CNTNAP2: variants seen among roughly 807,000 people sequenced by gnomAD.
CNTNAP2 encodes contactin-associated protein-like 2.
In CNTNAP2, 98 loss-of-function variants were observed where a neutral mutation model predicts 155.2. The ratio of observed to expected loss-of-function variants is 0.63; its 90% CI spans 0.54 to 0.75. The LOEUF (loss-of-function observed/expected upper bound fraction) is 0.75. Ranked by LOEUF, CNTNAP2 falls within the 30% of genes least tolerant of loss-of-function variation. CNTNAP2 has a pLI of 0.00. For synonymous variants in CNTNAP2, 651 were observed against 631.2 expected (o/e 1.03, Z -0.47); for missense variants, 1,727 against 1,688.1 (o/e 1.02, Z -0.40).
At position 147,558,697 on chromosome 7, in the gene CNTNAP2, T is replaced by G. The variant is rs867725103; in HGVS notation, c.1778-3441T>G. On this transcript the variant is annotated intron_variant, in intron 11 of 23. Coordinates refer to ENST00000361727, the MANE Select transcript of CNTNAP2 (RefSeq NM_014141.6). ...GAAAACTTTTTTCCTTCGTTCGTTCTTTCCTTCCTTCCTTCCTTCCTTCCT... is the reference window on the plus strand; with the variant it reads ...GAAAACTTTTTTCCTTCGTTCGTTCGTTCCTTCCTTCCTTCCTTCCTTCCT... Among the ~76,000 whole-genome samples, 1,011 of 148,926 alleles carry G rather than the reference T, an allele frequency of 6.8e-3. 15 individuals are homozygous for G. Among genetic ancestry groups the G allele is most frequent in the African/African-American group, 0.02 (802 of 40,402 alleles).
At chr7:148,272,454 T>C (rs1417598584) in intron 21 of CNTNAP2, among the ~76,000 whole-genome samples, 1 of 152,168 alleles carries the variant, frequency 6.6e-6, no homozygotes, top group East Asian at 1.9e-4. Flanking sequence ...TCAACATCTC[T>C]ATTAATGCCT....
chr7:148,228,965 G>C (rs1042588695), intron 19 of CNTNAP2, among the ~76,000 whole-genome samples: 2 of 151,682 alleles, frequency 1.3e-5, no homozygotes, highest in East Asian at 3.9e-4. Context: ...ATAGTGTTTC[G>C]TGGGACCTGC....
intron 10 of CNTNAP2, among the ~76,000 whole-genome samples, chr7:147,479,812 A>G (rs1181116747): frequency 2.6e-5 from 4 of 152,134 alleles, no homozygotes; most frequent in East Asian, 1.9e-4. Context: ...CTATAAATAA[A>G]TGCTTGTTGA....
At chr7:147,545,233 A>G (rs1016429644) in intron 11 of CNTNAP2, among the ~76,000 whole-genome samples, 36 of 152,290 alleles carry the variant, frequency 2.4e-4, no homozygotes, top group African/African-American at 8.4e-4. Context: ...GTGCTCAACA[A>G]TACAAGCCCT....
At chr7:146,745,425 T>C (rs1801792433) in intron 1 of CNTNAP2, among the ~76,000 whole-genome samples, 1 of 152,098 alleles carries the variant, frequency 6.6e-6, no homozygotes, top group Non-Finnish European at 1.5e-5. Context: ...AGTGGGTGAT[T>C]GAACCAAGAT....
At chr7:146,162,885 T>C (rs1798246371) in intron 1 of CNTNAP2, among the ~76,000 whole-genome samples, 1 of 152,190 alleles carries the variant, frequency 6.6e-6, no homozygotes, top group African/African-American at 2.4e-5. Context: ...GAAACCATCG[T>C]TCTCAGCAAA....
intron 13 of CNTNAP2, among the ~76,000 whole-genome samples, chr7:147,669,200 A>C (rs1391708934): frequency 6.6e-6 from 1 of 152,010 alleles, no homozygotes; most frequent in Non-Finnish European, 1.5e-5. Context: ...TGCATTTCTC[A>C]GAACATACCC....
chr7:146,347,508 A>C (rs768925037), intron 1 of CNTNAP2, among the ~76,000 whole-genome samples: 1 of 152,280 alleles, frequency 6.6e-6, no homozygotes, highest in Admixed American at 6.5e-5. Context: ...AGATTTAAAA[A>C]ATGCTTACAA....
chr7:146,532,586 G>C (rs928774969), intron 1 of CNTNAP2, among the ~76,000 whole-genome samples: 3 of 152,082 alleles, frequency 2.0e-5, no homozygotes, highest in African/African-American at 7.2e-5. Context: ...ACAACATTCT[G>C]TAAGCGTATA....
chr7:146,453,162 C>T lies in CNTNAP2; in HGVS notation c.98-321109C>T, dbSNP rs376340610. Among the ~76,000 whole-genome samples, 44 of 152,222 alleles carry T rather than the reference C, an allele frequency of 2.9e-4. No individual in the cohort carries two copies. In the South Asian group the frequency reaches 4.6e-3, roughly 16 times the overall value. ...TCCAGAGATCTAAGAAGAAACCCTCCGGAATGTTCAGTGGAGAACTGATTC... is the reference window on the plus strand; with the variant it reads ...TCCAGAGATCTAAGAAGAAACCCTCTGGAATGTTCAGTGGAGAACTGATTC... On this transcript the variant is annotated intron_variant, in intron 1 of 23. Transcript: ENST00000361727.
intron 1 of CNTNAP2, among the ~76,000 whole-genome samples, chr7:146,735,147 C>CT (rs1326898256): frequency 1.3e-5 from 2 of 152,130 alleles, no homozygotes; most frequent in Non-Finnish European, 2.9e-5. Context: ...AAGCATACAT[C>CT]TTTTTTTGAA....
chr7:146,710,666 TCTC>T (rs1336765024), intron 1 of CNTNAP2, among the ~76,000 whole-genome samples: 13 of 152,224 alleles, frequency 8.5e-5, no homozygotes, highest in African/African-American at 3.1e-4. Context: ...TTTCCTCTGT[TCTC>T]CTCTCTTATT....
intron 1 of CNTNAP2, among the ~76,000 whole-genome samples, chr7:146,714,410 A>G (rs1198802047): frequency 6.6e-6 from 1 of 152,224 alleles, no homozygotes; most frequent in Non-Finnish European, 1.5e-5. Flanking sequence ...GTTTCTAATC[A>G]TGGAAGTAAG....
intron 3 of CNTNAP2, among the ~76,000 whole-genome samples, chr7:146,977,428 ATTAT>A (rs1797933511): frequency 6.6e-6 from 1 of 152,204 alleles, no homozygotes; most frequent in Non-Finnish European, 1.5e-5. Flanking sequence ...AAACGATATA[ATTAT>A]TGAGTGATCG....
intron 13 of CNTNAP2, among the ~76,000 whole-genome samples, chr7:147,771,519 CT>C (rs1230897680): frequency 2.6e-5 from 4 of 152,186 alleles, no homozygotes. Flanking sequence ...AACAAAGTGC[CT>C]TTCTATTTTG....
chr7:146,887,211 G>A (rs770193968), intron 3 of CNTNAP2, among the ~76,000 whole-genome samples: 7 of 151,826 alleles, frequency 4.6e-5, no homozygotes, highest in East Asian at 1.9e-4. Context: ...GTACAATGGC[G>A]CGATCTTGGC....
chr7:147,755,428 G>C (rs1271153530), intron 13 of CNTNAP2, among the ~76,000 whole-genome samples: 2 of 152,210 alleles, frequency 1.3e-5, no homozygotes, highest in African/African-American at 4.8e-5. Context: ...GCCAAGGCAG[G>C]CGGATCACTT....
At chr7:146,155,902 C>G (rs1562970395) in intron 1 of CNTNAP2, among the ~76,000 whole-genome samples, 1 of 151,832 alleles carries the variant, frequency 6.6e-6, no homozygotes, top group Admixed American at 6.6e-5. Context: ...TGGGGTTTCA[C>G]CATGTTGGTC....
At chr7:146,291,673 A>G (rs1449360138) in intron 1 of CNTNAP2, among the ~76,000 whole-genome samples, 1 of 152,236 alleles carries the variant, frequency 6.6e-6, no homozygotes, top group Non-Finnish European at 1.5e-5. Context: ...CAGAAAGAAT[A>G]GATTTAAAAA....
Sources: allele counts gnomAD v4.1 joint callset (sites outside exome capture counted in the v4.1 genomes callset), GRCh38; gene constraint gnomAD v4.1.1; transcripts MANE v1.5; gene names NCBI Gene and HGNC (gene_info 2026-07-23, HGNC 2026-07-21).